Variants in ELP4 observed in about 807,000 individuals in gnomAD.
ELP4 encodes elongator acetyltransferase complex subunit 4, also known as elongator complex protein 4.
Under a neutral mutation model 48.9 loss-of-function variants are expected in ELP4, and 51 were observed. The observed-to-expected ratio is 1.04, with a 90% CI of 0.83 to 1.32. ELP4 has a LOEUF of 1.32. ELP4 is among the 40% of genes most tolerant of loss of function. The pLI is 0.00. For synonymous variants in ELP4, 210 were observed against 189.2 expected (o/e 1.11, Z -0.90); for missense variants, 519 against 514.6 (o/e 1.01, Z -0.08).
intron 9 of ELP4, chr11:31,652,714 C>T (rs1219964421): frequency 1.3e-5 from 2 of 151,680 alleles, no homozygotes; most frequent in African/African-American, 2.4e-5. Context: ...TTGAATCTGA[C>T]ATTGAATCAG....
In ELP4 at chr11:31,588,048, T is replaced by C. The variant is rs556954035; in HGVS notation, c.382-6722T>C. Among the ~76,000 whole-genome samples the C allele has an allele frequency of 1.0e-4, 15 of 148,072 alleles. No homozygotes were observed. In the East Asian group the frequency reaches 5.0e-3, roughly 49 times the overall value. On this transcript the variant is annotated intron_variant, in intron 3 of 9. Coordinates refer to ENST00000640961, the MANE Select transcript of ELP4 (RefSeq NM_019040.5). ...AAACTGTTTATATACTTTTAAAACA[T>C]ATATGTTTCTGTATATGCTTTGTGG...
At chr11:31,760,606 TTAAGTA>T (rs1401772071) in intron 9 of ELP4, among the ~76,000 whole-genome samples, 3 of 152,242 alleles carry the variant, frequency 2.0e-5, no homozygotes, top group African/African-American at 7.2e-5. Context: ...TAGGTCCCAC[TTAAGTA>T]TAAGTTAAAT....
intron 9 of ELP4, among the ~76,000 whole-genome samples, chr11:31,769,614 C>A (rs1948098437): frequency 6.6e-6 from 1 of 152,102 alleles, no homozygotes. Flanking sequence ...TGCTGCAGTT[C>A]TTAAAATCTC....
chr11:31,668,442 C>A (rs1474395352), intron 9 of ELP4, among the ~76,000 whole-genome samples: 3 of 151,534 alleles, frequency 2.0e-5, no homozygotes, highest in Non-Finnish European at 4.4e-5. Flanking sequence ...TCATTTGTTT[C>A]ATACATCACA....
At chr11:31,725,910 T>G (rs1947066255) in intron 9 of ELP4, among the ~76,000 whole-genome samples, 1 of 152,184 alleles carries the variant, frequency 6.6e-6, no homozygotes, top group African/African-American at 2.4e-5. Context: ...AGGAGTAATT[T>G]TTGATGCAGC....
At chr11:31,587,198 A>G (rs1174544356) in intron 3 of ELP4, among the ~76,000 whole-genome samples, 1 of 152,212 alleles carries the variant, frequency 6.6e-6, no homozygotes, top group Admixed American at 6.5e-5. Flanking sequence ...ACTGTTAAGT[A>G]AATGCAGTTA....
chr11:31,756,611 A>G (rs1397242163), intron 9 of ELP4, among the ~76,000 whole-genome samples: 1 of 152,186 alleles, frequency 6.6e-6, no homozygotes, highest in Admixed American at 6.5e-5. Context: ...GACAAGGATT[A>G]CTTGAATCTC....
chr11:31,667,263 A>G (rs750570199), intron 9 of ELP4, among the ~76,000 whole-genome samples: 41 of 152,322 alleles, frequency 2.7e-4, no homozygotes, highest in Non-Finnish European at 5.3e-4. Context: ...CATTACTTTT[A>G]ATTAAAGTTT....
In ELP4 at chr11:31,788,456, G is replaced by A. The variant is rs181818313; in HGVS notation, c.*4932G>A. The A allele has an allele frequency of 2.3e-3, 514 of 223,568 alleles. 1 individual carries two copies. The highest frequency in any genetic ancestry group is 3.9e-3 in the South Asian group (21 of 5,446). The allele number at this position is 223,568 out of a possible 1,614,324, so 13.8% of individuals were successfully genotyped here. On this transcript the variant is annotated 3_prime_UTR_variant, in exon 10 of 10. Coordinates refer to ENST00000640961, the MANE Select transcript of ELP4 (RefSeq NM_019040.5). ...ATGATGCCTCTTGTGCAAAGGGGAG[G>A]GAGACAGAAAAGGGAGAGGGCCTAT...
chr11:31,704,457 A>G (rs1946588474), intron 9 of ELP4, among the ~76,000 whole-genome samples: 1 of 151,910 alleles, frequency 6.6e-6, no homozygotes, highest in African/African-American at 2.4e-5. Flanking sequence ...TGGACACAGG[A>G]AGGGGAATAT....
At position 31,742,708 on chromosome 11, in the gene ELP4, T is replaced by G. The variant is rs146459440; in HGVS notation, c.1144-40685T>G. Among the ~76,000 whole-genome samples, 513 of 152,218 alleles carry G rather than the reference T, an allele frequency of 3.4e-3. 13 individuals carry two copies. The highest frequency in any genetic ancestry group is 1.2e-3 in the Non-Finnish European group (82 of 68,010). ...TACAAACAAACAAATGCTGAGAGAT[T>G]TTGTCACCACCAGGCCTGCCCTAAA... On this transcript the variant is annotated intron_variant, in intron 9 of 9. Coordinates refer to ENST00000640961, the MANE Select transcript of ELP4 (RefSeq NM_019040.5).
chr11:31,565,557 G>A (rs1454476075), intron 3 of ELP4, among the ~76,000 whole-genome samples: 3 of 146,744 alleles, frequency 2.0e-5, no homozygotes, highest in Non-Finnish European at 3.0e-5. Context: ...TGTATAAGGT[G>A]TAAGGAAGGG....
chr11:31,579,691 A>C (rs1592134702), intron 3 of ELP4, among the ~76,000 whole-genome samples: 1 of 150,898 alleles, frequency 6.6e-6, no homozygotes, highest in East Asian at 2.0e-4. Context: ...AAGGACAAAA[A>C]ACCAAACACC....
At chr11:31,615,159 G>T (rs1434566413) in intron 5 of ELP4, among the ~76,000 whole-genome samples, 1 of 152,022 alleles carries the variant, frequency 6.6e-6, no homozygotes, top group Non-Finnish European at 1.5e-5. Context: ...GGAAAAAAAA[G>T]ATTTTTTGTT....
chr11:31,705,216 C>G (rs1007881035), intron 9 of ELP4, among the ~76,000 whole-genome samples: 2 of 152,080 alleles, frequency 1.3e-5, no homozygotes, highest in Non-Finnish European at 2.9e-5. Context: ...GGTCTTCCTG[C>G]TGCATCATAA....
At chr11:31,548,798 A>G (rs1317621218) in intron 3 of ELP4, among the ~76,000 whole-genome samples, 8 of 152,246 alleles carry the variant, frequency 5.3e-5, no homozygotes, top group African/African-American at 1.9e-4. Context: ...ATATAGATCA[A>G]TGGAACAGAA....
At position 31,744,167 on chromosome 11, in the gene ELP4, G is replaced by A. The variant is rs11500253; in HGVS notation, c.1144-39226G>A. Among the ~76,000 whole-genome samples, 1,157 of 152,078 alleles carry A rather than the reference G, an allele frequency of 7.6e-3. 16 individuals carry two copies. The highest frequency in any genetic ancestry group is 0.026 in the African/African-American group (1,083 of 41,476). On this transcript the variant is annotated intron_variant, in intron 9 of 9. Transcript: ENST00000640961. ...AAGAAATGGATAAATTCCTCAACAC[G>A]TACATCCACCCAAGACTAAACCAGG...
At chr11:31,624,626 T>C (rs188936213) in intron 5 of ELP4, among the ~76,000 whole-genome samples, 271 of 151,880 alleles carry the variant, frequency 1.8e-3, no homozygotes, top group Non-Finnish European at 2.9e-3. Context: ...AATATTTTCC[T>C]TTCTTCAATA....
intron 9 of ELP4, among the ~76,000 whole-genome samples, chr11:31,780,462 A>C (rs1488763070): frequency 1.3e-5 from 2 of 152,200 alleles, no homozygotes; most frequent in Non-Finnish European, 2.9e-5. Flanking sequence ...ATAGATTCAC[A>C]TATTTCCAAG....
Sources: allele counts gnomAD v4.1 joint callset (sites outside exome capture counted in the v4.1 genomes callset), GRCh38; gene constraint gnomAD v4.1.1; transcripts MANE v1.5; gene names NCBI Gene and HGNC (gene_info 2026-07-23, HGNC 2026-07-21).